VHL: variants seen among roughly 807,000 people sequenced by gnomAD.
VHL encodes von Hippel-Lindau disease tumor suppressor.
VHL carries 10 observed loss-of-function variants against 19.2 expected under a neutral mutation model. The observed-to-expected ratio is 0.52, with a 90% CI of 0.32 to 0.89. The LOEUF is 0.89. VHL is among the 40% of genes least tolerant of loss of function. VHL has a pLI of 0.03. For missense variants in VHL, 328 were observed against 292.7 expected (o/e 1.12, Z -0.88); for synonymous variants, 167 against 129.5 (o/e 1.29, Z -1.97).
At chr3:10,147,330 C>A (rs755284621) in intron 2 of VHL, among the ~76,000 whole-genome samples, 25 of 148,988 alleles carry the variant, frequency 1.7e-4, no homozygotes, top group Non-Finnish European at 3.1e-4. Flanking sequence ...CAATTTAACA[C>A]AATCAAGCTC....
chr3:10,152,535 C>T lies in VHL; in HGVS notation c.*2570C>T, dbSNP rs909427137. On this transcript the variant is annotated 3_prime_UTR_variant, in exon 3 of 3. Coordinates refer to ENST00000256474, the MANE Select transcript of VHL (RefSeq NM_000551.4). Reference sequence around the variant, plus strand: ...TGAGATGGAGTCTCACTCTGTTGCCCAGGCTGGAGTGCAGTGGTGCGATCT... The same window carrying T: ...TGAGATGGAGTCTCACTCTGTTGCCTAGGCTGGAGTGCAGTGGTGCGATCT... Among the ~76,000 whole-genome samples, 16 of 113,852 alleles carry T rather than the reference C, an allele frequency of 1.4e-4. No homozygotes were observed. Among genetic ancestry groups the T allele is most frequent in the Non-Finnish European group, 3.3e-5 (2 of 60,798 alleles). The allele number at this position is 113,852 out of a possible 152,430, so 74.7% of individuals were successfully genotyped here. A position where few individuals can be genotyped will look rare whatever the true frequency, so the allele number is the denominator to read the frequency against.
intron 2 of VHL, among the ~76,000 whole-genome samples, chr3:10,148,927 C>T (rs1389314836): frequency 6.6e-6 from 1 of 151,684 alleles, no homozygotes; most frequent in African/African-American, 2.4e-5. Context: ...CCTGCCTCAG[C>T]CTCCTAAAGT....
chr3:10,148,788 C>G lies in VHL; in HGVS notation c.464-999C>G, dbSNP rs534956444. 7.3e-5 allele frequency among the ~76,000 whole-genome samples: 11 copies of G among 150,522 alleles called. No homozygotes were observed. In the Admixed American group the frequency reaches 7.3e-4, roughly 10 times the overall value. On this transcript the variant is annotated intron_variant, in intron 2 of 2. Transcript: ENST00000256474. ...CTCTGCCTCTCGGGTTCAAGCGATT[C>G]TCCTGCTTCAGCAGCTGGGACTACA...
rs774753107 is a variant in VHL at position 10,142,144 on chromosome 3, A to G, written c.297A>G (p.Pro99=). The G allele has an allele frequency of 1.9e-6, 3 of 1,599,516 alleles. No homozygotes were observed. The highest frequency in any genetic ancestry group is 1.7e-6 in the Non-Finnish European group (2 of 1,179,576). ...TCGACGGCGAGCCGCAGCCCTACCC[A>G]ACGCTGCCGCCTGGCACGGGCCGCC... is the stretch of plus-strand genomic sequence containing the variant. ...LNFDGEPQPY[P]TLPPGTGRRI... The change falls in exon 1 of 3, where the codon CCA becomes CCG. Residue 99 remains proline (P), a synonymous_variant. Coordinates refer to ENST00000256474, the MANE Select transcript of VHL (RefSeq NM_000551.4).
chr3:10,148,560 C>T lies in VHL; in HGVS notation c.464-1227C>T, dbSNP rs1161832382. Among the ~76,000 whole-genome samples, 11 of 151,598 alleles carry T rather than the reference C, an allele frequency of 7.3e-5. 1 individual carries two copies. The highest frequency in any genetic ancestry group is 1.9e-4 in the East Asian group (1 of 5,178). On this transcript the variant is annotated intron_variant, in intron 2 of 2. Transcript: ENST00000256474. Reference sequence around the variant, plus strand: ...CGATCTCCTGACCTCGTGATCCGCCCGCCTCGGCCTCCCAAAGTGCTGGGA... The same window carrying T: ...CGATCTCCTGACCTCGTGATCCGCCTGCCTCGGCCTCCCAAAGTGCTGGGA...
intron 2 of VHL, 138 bp downstream of exon 2, chr3:10,146,774 C>G: frequency 8.7e-7 from 1 of 1,153,188 alleles, no homozygotes; most frequent in Non-Finnish European, 1.3e-6. Context: ...CTATTCTCTA[C>G]CATAAATAAA....
chr3:10,148,377 G>C (rs1187136419), intron 2 of VHL, among the ~76,000 whole-genome samples: 16 of 144,846 alleles, frequency 1.1e-4, no homozygotes, highest in South Asian at 4.4e-4. Context: ...TGCAGTGGCG[G>C]GATCTCGGCT....
chr3:10,153,624 T>A lies in VHL; in HGVS notation c.*3659T>A, dbSNP rs1177223444. ...AAGTTTTTTTTTTTTTTTTTTTTTT[T>A]AAAGCTGTTTTTTAATACATTAAAT... On this transcript the variant is annotated 3_prime_UTR_variant, in exon 3 of 3. Transcript: ENST00000256474. 2.0e-5 allele frequency among the ~76,000 whole-genome samples: 3 copies of A among 151,982 alleles called. No individual in the cohort carries two copies. The highest frequency in any genetic ancestry group is 2.9e-5 in the Non-Finnish European group (2 of 67,982).
chr3:10,152,058 CTCA>C lies in VHL; in HGVS notation c.*2094_*2096del. 1.2e-5 allele frequency: 1 copy of C among 86,244 alleles called. No individual in the cohort carries two copies. The highest frequency in any genetic ancestry group is 2.4e-5 in the Non-Finnish European group (1 of 42,304). 5.3% of individuals were successfully genotyped at this position (86,244 alleles called of 1,614,324 possible). Reference sequence around the variant, plus strand: ...CCTGGGGGACAGAGCAAGACCCTGCCTCAAAAAAAAAAAAAAAAAAAAAATCAG... The same window carrying C: ...CCTGGGGGACAGAGCAAGACCCTGCCAAAAAAAAAAAAAAAAAAAAATCAG... On this transcript the variant is annotated 3_prime_UTR_variant, in exon 3 of 3. Coordinates refer to ENST00000256474, the MANE Select transcript of VHL (RefSeq NM_000551.4).
Position 10,152,823 on chromosome 3 carries a change from CAA to C in VHL, c.*2861_*2862del, listed in dbSNP as rs1284423893. ...TATTTTTTTTAAGCTGTCTTTGTGTCAAAATGATAGTTCATGCTCCTCTTGTT... is the reference window on the plus strand; with the variant it reads ...TATTTTTTTTAAGCTGTCTTTGTGTCAATGATAGTTCATGCTCCTCTTGTT... On this transcript the variant is annotated 3_prime_UTR_variant, in exon 3 of 3. Coordinates refer to ENST00000256474, the MANE Select transcript of VHL (RefSeq NM_000551.4). Among the ~76,000 whole-genome samples the C allele has an allele frequency of 6.6e-6, 1 of 151,846 alleles. No homozygotes were observed. Among genetic ancestry groups the C allele is most frequent in the Non-Finnish European group, 1.5e-5 (1 of 67,996 alleles).
rs2125124238 is a variant in VHL, at chr3:10,141,793, G to C, written c.-55G>C. ...GAGCGCGCACGCAGCTCCGCCCCGC[G>C]TCCGACCCGCGGATCCCGCGGCGTC... On this transcript the variant is annotated 5_prime_UTR_variant, in exon 1 of 3. Transcript: ENST00000256474. 6.5e-7 allele frequency: 1 copy of C among 1,533,758 alleles called. No individual in the cohort carries two copies. Among genetic ancestry groups the C allele is most frequent in the South Asian group, 1.2e-5 (1 of 83,194 alleles).
chr3:10,142,132 G>A lies in VHL; in HGVS notation c.285G>A (p.Pro95=), dbSNP rs975432073. ...LPVWLNFDGE[P]QPYPTLPPGT... The stretch of plus-strand genomic sequence containing the variant: ...TATGGCTCAACTTCGACGGCGAGCC[G>A]CAGCCCTACCCAACGCTGCCGCCTG... The change falls in exon 1 of 3, where the codon CCG becomes CCA. Residue 95 remains proline, a synonymous_variant. Coordinates refer to ENST00000256474, the MANE Select transcript of VHL (RefSeq NM_000551.4). 1.2e-6 allele frequency: 2 copies of A among 1,600,548 alleles called. No homozygotes were observed. The highest frequency in any genetic ancestry group is 1.7e-6 in the Non-Finnish European group (2 of 1,179,630).
Position 10,150,070 on chromosome 3 carries a change from A to G in VHL, c.*105A>G. On this transcript the variant is annotated 3_prime_UTR_variant, in exon 3 of 3. Transcript: ENST00000256474. ...TCCTTCCTTAGTTTCAAAGTGTCTC[A>G]TTCTCAGAGTAAAATAGGCACCATT... 1 of 1,546,452 alleles carries G rather than the reference A, an allele frequency of 6.5e-7. No individual in the cohort carries two copies. Among genetic ancestry groups the G allele is most frequent in the Non-Finnish European group, 8.7e-7 (1 of 1,144,936 alleles).
At chr3:10,149,683 G>A in intron 2 of VHL, 104 bp from the exon 3 acceptor site, 2 of 1,019,808 alleles carry the variant, frequency 2.0e-6, no homozygotes. Context: ...TTAACCTAAA[G>A]TGAGATCCAT....
chr3:10,146,689 T>C, intron 2 of VHL, 53 bp downstream of exon 2: 4 of 1,608,314 alleles, frequency 2.5e-6, no homozygotes, highest in Non-Finnish European at 3.4e-6. Flanking sequence ...AAGTACAGGA[T>C]AGACCACTTG....
Position 10,142,090 on chromosome 3 carries a change from G to C in VHL, c.243G>C (p.Pro81=), listed in dbSNP as rs758034030. 1 of 1,604,786 alleles carries C rather than the reference G, an allele frequency of 6.2e-7. No homozygotes were observed. The highest frequency in any genetic ancestry group is 8.5e-7 in the Non-Finnish European group (1 of 1,179,662). Residue 81 remains proline (P), a synonymous_variant, in exon 1 of 3, where the codon CCG becomes CCC. Coordinates refer to ENST00000256474, the MANE Select transcript of VHL (RefSeq NM_000551.4). The part of the protein sequence containing the change: ...PSQVIFCNRS[P]RVVLPVWLNF... ...AGGTCATCTTCTGCAATCGCAGTCCGCGCGTCGTGCTGCCCGTATGGCTCA... is the reference window on the plus strand; with the variant it reads ...AGGTCATCTTCTGCAATCGCAGTCCCCGCGTCGTGCTGCCCGTATGGCTCA...
chr3:10,149,589 C>T (rs981018506), intron 2 of VHL, among the ~76,000 whole-genome samples, 198 bp from the exon 3 acceptor site: 2 of 152,228 alleles, frequency 1.3e-5, no homozygotes, highest in African/African-American at 2.4e-5. Flanking sequence ...GGTGAAATTA[C>T]TACAGAGGCA....
Position 10,150,099 on chromosome 3 carries a change from T to C in VHL, c.*134T>C. The C allele has an allele frequency of 2.0e-6, 3 of 1,529,604 alleles. No individual in the cohort carries two copies. The highest frequency in any genetic ancestry group is 2.6e-6 in the Non-Finnish European group (3 of 1,137,834). 94.8% of individuals were successfully genotyped at this position (1,529,604 alleles called of 1,614,324 possible). ...TCAGAGTAAAATAGGCACCATTGCTTAAAAGAAAGTTAACTGACTTCACTA... is the reference window on the plus strand; with the variant it reads ...TCAGAGTAAAATAGGCACCATTGCTCAAAAGAAAGTTAACTGACTTCACTA... On this transcript the variant is annotated 3_prime_UTR_variant, in exon 3 of 3. Coordinates refer to ENST00000256474, the MANE Select transcript of VHL (RefSeq NM_000551.4).
Position 10,152,157 on chromosome 3 carries a change from C to T in VHL, c.*2192C>T, listed in dbSNP as rs77164740. 6.4e-6 allele frequency: 1 copy of T among 156,930 alleles called. No individual in the cohort carries two copies. Among genetic ancestry groups the T allele is most frequent in the East Asian group, 1.6e-4 (1 of 6,252 alleles). The allele number at this position is 156,930 out of a possible 1,614,324, so 9.7% of individuals were successfully genotyped here. ...TCGAGGTGGGCAGATCACCTGAGGT[C>T]AGGAGTTCGAGACCAGCCTGGCCAA... On this transcript the variant is annotated 3_prime_UTR_variant, in exon 3 of 3. Transcript: ENST00000256474.
Sources: gnomAD v4.1 joint callset for allele counts (sites outside exome capture counted in the v4.1 genomes callset) on GRCh38, gnomAD v4.1.1 for gene constraint, MANE v1.5 for transcripts, NCBI Gene and HGNC (gene_info 2026-07-23, HGNC 2026-07-21) for gene names.